Variants in MTA3 observed in about 807,000 individuals in gnomAD.
MTA3 encodes metastasis associated 1 family member 3, also known as metastasis-associated protein MTA3.
In MTA3, 34 loss-of-function variants were observed where a neutral mutation model predicts 83.5. The ratio of observed to expected loss-of-function variants is 0.41; its 90% CI spans 0.31 to 0.54. The LOEUF (loss-of-function observed/expected upper bound fraction) is 0.54, where lower values mean the gene tolerates loss of function less well. Among genes scored for constraint, MTA3 ranks in the 20% least tolerant of loss-of-function variants. The pLI, the probability that MTA3 is intolerant of heterozygous loss-of-function variation, is 0.33. For missense variants in MTA3, 761 were observed against 726.4 expected, an observed-to-expected ratio of 1.05 and a Z score of -0.55; for synonymous variants, 303 against 252.7, an observed-to-expected ratio of 1.20 and a Z score of -1.89.
chr2:42,685,613 T>A (rs987105100), intron 9 of MTA3, among the ~76,000 whole-genome samples: 2 of 152,218 alleles, frequency 1.3e-5, no homozygotes, highest in Admixed American at 1.3e-4. Flanking sequence ...GAATCTTAGA[T>A]GCAAGGGAGT....
chr2:42,683,933 T>A (rs1469920873), intron 9 of MTA3, among the ~76,000 whole-genome samples: 1 of 151,472 alleles, frequency 6.6e-6, no homozygotes, highest in African/African-American at 2.4e-5. Context: ...TATTAAAAAT[T>A]TTTTTTTCCT....
chr2:42,752,710 T>C (rs1390576959), intron 16 of MTA3, among the ~76,000 whole-genome samples: 1 of 152,140 alleles, frequency 6.6e-6, no homozygotes, highest in Non-Finnish European at 1.5e-5. Context: ...TCGTGCCTCC[T>C]CCCAGCCAAC....
Position 42,619,560 on chromosome 2 carries a change from A to G in MTA3, c.317+9976A>G, listed in dbSNP as rs1112206. On this transcript the variant is annotated intron_variant, in intron 4 of 16. Coordinates refer to ENST00000405094, the MANE Select transcript of MTA3 (RefSeq NM_001330442.2). ...AAGAAAAGTTAAATAAATGTGGGAT[A>G]TATCATTACAATATTTGAGTTTCCC... 1.0e-3 allele frequency among the ~76,000 whole-genome samples: 157 copies of G among 152,350 alleles called. 1 individual carries two copies. Among genetic ancestry groups the G allele is most frequent in the African/African-American group, 3.5e-3 (147 of 41,580 alleles).
At chr2:42,544,675 C>T (rs1243143493) in intron 2 of MTA3, among the ~76,000 whole-genome samples, 1 of 151,692 alleles carries the variant, frequency 6.6e-6, no homozygotes, top group Non-Finnish European at 1.5e-5. Flanking sequence ...TCGTGAGCCA[C>T]TTTGCCCAGC....
chr2:42,598,555 G>A (rs755531713), intron 3 of MTA3, among the ~76,000 whole-genome samples: 7 of 152,036 alleles, frequency 4.6e-5, no homozygotes, highest in Admixed American at 1.3e-4. Context: ...TCACCTAACT[G>A]GATTAGTATC....
chr2:42,715,018 A>G (rs1044203846), intron 14 of MTA3, among the ~76,000 whole-genome samples: 1 of 151,524 alleles, frequency 6.6e-6, no homozygotes, highest in African/African-American at 2.4e-5. Flanking sequence ...GTGACCAGTC[A>G]AGTGACTTGA....
chr2:42,675,160 G>A (rs1404274550), intron 8 of MTA3, among the ~76,000 whole-genome samples: 2 of 150,584 alleles, frequency 1.3e-5, no homozygotes, highest in African/African-American at 2.4e-5. Context: ...TTTTTGAGAC[G>A]AGGTCTCACT....
chr2:42,520,385 A>T (rs1417862445), intron 2 of MTA3, among the ~76,000 whole-genome samples: 1 of 152,104 alleles, frequency 6.6e-6, no homozygotes, highest in Admixed American at 6.6e-5. Flanking sequence ...TGTCTTGTTG[A>T]ACTGTACCAC....
intron 2 of MTA3, among the ~76,000 whole-genome samples, chr2:42,516,579 A>G (rs1675154023): frequency 6.6e-6 from 1 of 152,194 alleles, no homozygotes; most frequent in Admixed American, 6.6e-5. Context: ...ATCCTGCACT[A>G]GGAAAGAAGG....
intron 1 of MTA3, among the ~76,000 whole-genome samples, chr2:42,569,188 T>TGGGGTG (rs550397050): frequency 0.015 from 365 of 24,730 alleles, 3 homozygotes; most frequent in African/African-American, 0.016. Context: ...AGTGGGAGCC[T>TGGGGTG]GGGGTGGGGG....
At chr2:42,707,516 G>A (rs1419606077) in intron 12 of MTA3, among the ~76,000 whole-genome samples, 1 of 152,142 alleles carries the variant, frequency 6.6e-6, no homozygotes, top group Non-Finnish European at 1.5e-5. Flanking sequence ...CAAAGTGCTG[G>A]GATTACAGGC....
At chr2:42,683,819 G>C (rs892618852) in intron 9 of MTA3, among the ~76,000 whole-genome samples, 6 of 152,148 alleles carry the variant, frequency 3.9e-5, no homozygotes, top group Non-Finnish European at 8.8e-5. Flanking sequence ...TACAGATGAA[G>C]CTTCGCTCGC....
chr2:42,559,033 C>T (rs913473382), intron 2 of MTA3, among the ~76,000 whole-genome samples: 3 of 152,170 alleles, frequency 2.0e-5, no homozygotes, highest in African/African-American at 4.8e-5. Flanking sequence ...TCCACCCACA[C>T]TCCCTCTCCT....
chr2:42,565,105 G>A (rs373836544), upstream of MTA3, among the ~76,000 whole-genome samples: 21 of 151,326 alleles, frequency 1.4e-4, no homozygotes, highest in African/African-American at 4.6e-4. Context: ...TTATTTTTTC[G>A]CACATATAAA....
chr2:42,579,629 T>C (rs555645342), intron 3 of MTA3, among the ~76,000 whole-genome samples: 1 of 151,942 alleles, frequency 6.6e-6, no homozygotes, highest in Non-Finnish European at 1.5e-5. Flanking sequence ...CATTCATTAA[T>C]TGGTGAAAAT....
intron 2 of MTA3, among the ~76,000 whole-genome samples, chr2:42,539,437 G>A (rs756509985): frequency 2.0e-5 from 3 of 151,998 alleles, no homozygotes; most frequent in South Asian, 2.1e-4. Context: ...TTACTATCAC[G>A]AGAATAGCAT....
At chr2:42,514,192 G>A (rs1036549600) in intron 2 of MTA3, among the ~76,000 whole-genome samples, 10 of 151,936 alleles carry the variant, frequency 6.6e-5, no homozygotes, top group South Asian at 6.2e-4. Flanking sequence ...CAAGCTGGGC[G>A]ACGGAATGAG....
rs749765884 is a variant in MTA3 at position 42,655,158 on chromosome 2, A to T, written c.500-1042A>T. On this transcript the variant is annotated intron_variant, in intron 6 of 16. Coordinates refer to ENST00000405094, the MANE Select transcript of MTA3 (RefSeq NM_001330442.2). ...ATTATAAACCATGACTAGCTTTGAA[A>T]GTTGAAGTTTAGTTCTGCTCTTGTC... Among the ~76,000 whole-genome samples, 159 of 152,214 alleles carry T rather than the reference A, an allele frequency of 1.0e-3. 1 individual carries two copies. The highest frequency in any genetic ancestry group is 7.1e-4 in the Non-Finnish European group (48 of 68,036).
At chr2:42,723,656 C>G (rs1234065982) in intron 16 of MTA3, among the ~76,000 whole-genome samples, 6 of 152,204 alleles carry the variant, frequency 3.9e-5, no homozygotes, top group Non-Finnish European at 8.8e-5. Context: ...CTCATTTGGA[C>G]TATAAACACA....
Sources: gnomAD v4.1 joint callset for allele counts (sites outside exome capture counted in the v4.1 genomes callset) on GRCh38, gnomAD v4.1.1 for gene constraint, MANE v1.5 for transcripts, NCBI Gene and HGNC (gene_info 2026-07-23, HGNC 2026-07-21) for gene names.